FCHO2: variants seen among roughly 807,000 people sequenced by gnomAD.
The protein encoded by FCHO2 is FCH and mu domain containing endocytic adaptor 2.
Under a neutral mutation model 114.1 loss-of-function variants are expected in FCHO2, and 43 were observed. That is an observed-to-expected ratio of 0.38 (90% CI 0.30 to 0.49). The LOEUF (loss-of-function observed/expected upper bound fraction) is 0.49, where lower values mean the gene tolerates loss of function less well. Ranked by LOEUF, FCHO2 falls within the 20% of genes least tolerant of loss-of-function variation. FCHO2 has a pLI of 0.97. For synonymous variants in FCHO2, 293 were observed against 315.2 expected, an observed-to-expected ratio of 0.93 and a Z score of 0.75; for missense variants, 807 against 950.4, an observed-to-expected ratio of 0.85 and a Z score of 1.98.
At chr5:73,082,876 A>T (rs879098879) in intron 24 of FCHO2, 51 bp downstream of exon 24, 12 of 1,210,948 alleles carry the variant, frequency 9.9e-6, no homozygotes, top group South Asian at 7.5e-5. Context: ...CTGAAAATTG[A>T]TTTTTTTTTT....
intron 2 of FCHO2, among the ~76,000 whole-genome samples, chr5:72,969,378 G>T (rs1053515301): frequency 6.6e-6 from 1 of 152,168 alleles, no homozygotes; most frequent in Non-Finnish European, 1.5e-5. Flanking sequence ...AGACTGATAG[G>T]AATTGGGGAA....
At position 72,989,515 on chromosome 5, in the gene FCHO2, T is replaced by G; in HGVS notation, c.200+14T>G. 1 of 1,584,806 alleles carries G rather than the reference T, an allele frequency of 6.3e-7. No homozygotes were observed. On this transcript the variant is annotated intron_variant, in intron 3 of 25. Coordinates refer to ENST00000430046, the MANE Select transcript of FCHO2 (RefSeq NM_138782.3). ...TTCACAACTTGGGTGAGTTAATTTC[T>G]TCCTCTTTTTCAGTGTTTATTTAGG...
At chr5:73,004,502 A>G (rs1754610555) in intron 5 of FCHO2, among the ~76,000 whole-genome samples, 1 of 152,216 alleles carries the variant, frequency 6.6e-6, no homozygotes, top group African/African-American at 2.4e-5. Flanking sequence ...GCAAAATATC[A>G]TGATGTGTTT....
In FCHO2 at chr5:72,968,499, G is replaced by T. The variant is rs1383686860; in HGVS notation, c.35G>T (p.Gly12Val). 2.7e-6 allele frequency: 4 copies of T among 1,496,606 alleles called. No homozygotes were observed. The highest frequency in any genetic ancestry group is 3.5e-6 in the Non-Finnish European group (4 of 1,130,744). 92.7% of individuals were successfully genotyped at this position (1,496,606 alleles called of 1,614,324 possible). A position where few individuals can be genotyped will look rare whatever the true frequency, so the allele number is the denominator to read the frequency against. Residue 12 changes from glycine (G) to valine (V), a missense_variant and splice_region_variant, in exon 2 of 26, where the codon GGG (glycine) becomes GTG (valine). Gly to Val is a moderately radical substitution (Grantham distance 109, BLOSUM62 -3). Coordinates refer to ENST00000430046, the MANE Select transcript of FCHO2 (RefSeq NM_138782.3). ...ACTAAAAATCTTTTTAAATTTTAGG[G>T]GGAAAAAAATAGTGGCTTTGATGTC... Reference protein sequence around the residue: ...VMAYFVENFWGEKNSGFDVLY... With the variant: ...VMAYFVENFWVEKNSGFDVLY...
At chr5:72,966,187 G>T (rs1029687748) in intron 1 of FCHO2, among the ~76,000 whole-genome samples, 4 of 152,310 alleles carry the variant, frequency 2.6e-5, no homozygotes, top group African/African-American at 7.2e-5. Context: ...AGACTGGCTT[G>T]AGCAACATAG....
intron 19 of FCHO2, among the ~76,000 whole-genome samples, chr5:73,069,424 T>C (rs1174577697): frequency 6.6e-6 from 1 of 151,770 alleles, no homozygotes; most frequent in Non-Finnish European, 1.5e-5. Flanking sequence ...CCTGAGCTTT[T>C]TGTCTTGCAA....
At chr5:72,986,885 C>CT (rs202221560) in intron 2 of FCHO2, among the ~76,000 whole-genome samples, 2,595 of 136,238 alleles carry the variant, frequency 0.019, 72 homozygotes, top group African/African-American at 0.059. Context: ...TTTTTTTTTT[C>CT]TTTTTTTTTT....
intron 17 of FCHO2, among the ~76,000 whole-genome samples, chr5:73,062,379 C>A (rs563807092): frequency 6.6e-6 from 1 of 152,196 alleles, no homozygotes; most frequent in East Asian, 1.9e-4. Context: ...GGACAGACCA[C>A]TTGATCAGTA....
intron 8 of FCHO2, among the ~76,000 whole-genome samples, chr5:73,029,489 C>T (rs772005154): frequency 1.1e-4 from 17 of 152,158 alleles, no homozygotes; most frequent in Non-Finnish European, 2.4e-4. Context: ...TGATTTAAGA[C>T]TATAGTTTCT....
At chr5:73,055,421 C>T (rs1278324474) in intron 15 of FCHO2, among the ~76,000 whole-genome samples, 3 of 152,126 alleles carry the variant, frequency 2.0e-5, no homozygotes, top group Non-Finnish European at 4.4e-5. Flanking sequence ...TTGCATTCAT[C>T]AGGTATTGCT....
chr5:73,064,388 A>G (rs776814591), intron 18 of FCHO2, among the ~76,000 whole-genome samples: 8 of 152,082 alleles, frequency 5.3e-5, no homozygotes, highest in Non-Finnish European at 1.0e-4. Flanking sequence ...CAGTTGACTT[A>G]TAAAAGTACA....
At chr5:73,006,610 T>C in intron 6 of FCHO2, 61 bp downstream of exon 6, 1 of 1,139,784 alleles carries the variant, frequency 8.8e-7, no homozygotes, top group South Asian at 1.9e-5. Flanking sequence ...TATTGATTAA[T>C]TTTTCTCTCA....
intron 18 of FCHO2, among the ~76,000 whole-genome samples, chr5:73,066,905 C>T (rs1175269772): frequency 5.3e-5 from 8 of 151,854 alleles, no homozygotes; most frequent in South Asian, 2.1e-4. Flanking sequence ...AAAGCAATGC[C>T]GTCCAATAGA....
chr5:73,061,023 C>G (rs1454214379), intron 17 of FCHO2, among the ~76,000 whole-genome samples: 2 of 145,814 alleles, frequency 1.4e-5, no homozygotes, highest in Admixed American at 6.8e-5. Context: ...AAAAAAAAAC[C>G]GCTTAAAATG....
At chr5:72,983,209 C>T (rs12653327) in intron 2 of FCHO2, among the ~76,000 whole-genome samples, 4 of 151,890 alleles carry the variant, frequency 2.6e-5, no homozygotes, top group East Asian at 1.9e-4. Flanking sequence ...CCACCATGCC[C>T]GGCCTTTTTA....
At chr5:73,054,127 A>G in intron 13 of FCHO2, 33 bp from the exon 14 acceptor site, 1 of 1,452,676 alleles carries the variant, frequency 6.9e-7, no homozygotes, top group Non-Finnish European at 9.2e-7. Context: ...CAGAATTCTA[A>G]CCTAATTTTC....
chr5:73,044,405 T>C lies in FCHO2; in HGVS notation c.939+3090T>C, dbSNP rs529850142. Among the ~76,000 whole-genome samples the C allele has an allele frequency of 2.0e-5, 3 of 152,264 alleles. No individual in the cohort carries two copies. The South Asian group carries it at 6.2e-4, about 32-fold the overall frequency. On this transcript the variant is annotated intron_variant, in intron 11 of 25. Transcript: ENST00000430046. Reference sequence around the variant, plus strand: ...AGGCATATGCCACCATGCCTGGCTATGTTTTTTCATTTTTAGTAGAGGCAA... The same window carrying C: ...AGGCATATGCCACCATGCCTGGCTACGTTTTTTCATTTTTAGTAGAGGCAA...
intron 1 of FCHO2, among the ~76,000 whole-genome samples, chr5:72,967,107 A>G (rs1204627006): frequency 1.3e-5 from 2 of 152,160 alleles, no homozygotes; most frequent in Non-Finnish European, 2.9e-5. Flanking sequence ...CCAACATGGC[A>G]AAACCCTGTC....
In FCHO2 at chr5:73,056,098, C is replaced by T; in HGVS notation, c.1244C>T (p.Pro415Leu). 3 of 1,528,176 alleles carry T rather than the reference C, an allele frequency of 2.0e-6. No homozygotes were observed. Among genetic ancestry groups the T allele is most frequent in the East Asian group, 2.5e-5 (1 of 40,282 alleles). 94.7% of individuals were successfully genotyped at this position (1,528,176 alleles called of 1,614,324 possible). The change falls in exon 16 of 26, where the codon CCA (proline) becomes CTA (leucine). Residue 415 changes from proline to leucine, a missense_variant. Coordinates refer to ENST00000430046, the MANE Select transcript of FCHO2 (RefSeq NM_138782.3). The part of the protein sequence containing the change: ...EELTKSKPSA[P>L]PNEKGTSDLL... ...TTAACAAAATCAAAGCCATCTGCTC[C>T]ACCCAATGAGTAAGTTTCCATGTTT...
Sources: allele counts gnomAD v4.1 joint callset (sites outside exome capture counted in the v4.1 genomes callset), GRCh38; gene constraint gnomAD v4.1.1; transcripts MANE v1.5; gene names NCBI Gene and HGNC (gene_info 2026-07-23, HGNC 2026-07-21).